Variants in TSBP1 observed in about 807,000 individuals in gnomAD.
The protein encoded by TSBP1 is testis-expressed basic protein 1.
A neutral mutation model predicts 68.8 loss-of-function variants in TSBP1; 56 were observed. The observed-to-expected ratio is 0.81, with a 90% CI of 0.66 to 1.02. The LOEUF (loss-of-function observed/expected upper bound fraction) is 1.02. Ranked by LOEUF, TSBP1 falls within the 50% of genes least tolerant of loss-of-function variation. TSBP1 has a pLI of 0.00. For synonymous variants in TSBP1, 171 were observed against 208.7 expected (o/e 0.82, Z 1.56); for missense variants, 502 against 641.2 (o/e 0.78, Z 2.34).
intron 6 of TSBP1, among the ~76,000 whole-genome samples, chr6:32,364,515 C>T (rs1773443366): frequency 6.7e-6 from 1 of 149,528 alleles, no homozygotes; most frequent in Non-Finnish European, 1.5e-5. Context: ...TGGAAGCTCT[C>T]TATTTCCTTT....
intron 16 of TSBP1, among the ~76,000 whole-genome samples, chr6:32,327,654 C>CTTTTT (rs9281739): frequency 6.8e-6 from 1 of 146,994 alleles, no homozygotes; most frequent in Non-Finnish European, 1.5e-5. Context: ...TTTTCTTTTT[C>CTTTTT]TTTTTTTTTT....
At chr6:32,327,654 C>CTTTTATTTTCTTTCTTTCTTTTTTT (rs70993815) in intron 16 of TSBP1, among the ~76,000 whole-genome samples, 5 of 147,056 alleles carry the variant, frequency 3.4e-5, no homozygotes, top group Admixed American at 6.8e-5. Flanking sequence ...TTTTCTTTTT[C>CTTTTATTTTCTTTCTTTCTTTTTTT]TTTTTTTTTT....
rs565766624 is a variant in TSBP1 at position 32,306,245 on chromosome 6, G to C, written c.581-3616C>G. Among the ~76,000 whole-genome samples, 16 of 152,292 alleles carry C rather than the reference G, an allele frequency of 1.1e-4. No individual in the cohort carries two copies. Among genetic ancestry groups the C allele is most frequent in the African/African-American group, 3.9e-4 (16 of 41,554 alleles). Reference sequence around the variant, plus strand: ...TTATGTAAACAACTAATTATGTTTTGTTAAAGATTTACGGGAGCATTGTGA... The same window carrying C: ...TTATGTAAACAACTAATTATGTTTTCTTAAAGATTTACGGGAGCATTGTGA... On this transcript the variant is annotated intron_variant, in intron 19 of 22. Coordinates refer to ENST00000612031, the Ensembl canonical transcript of TSBP1. This position sits in a 1 kb window ranked among gnomAD's most constrained non-coding sequence, Gnocchi z 5.1.
At chr6:32,359,260 C>T (rs1200192233) in intron 6 of TSBP1, among the ~76,000 whole-genome samples, 3 of 152,072 alleles carry the variant, frequency 2.0e-5, no homozygotes, top group African/African-American at 7.3e-5. Context: ...ACAGCCCCAC[C>T]AACAGTGTAA....
intron 18 of TSBP1, among the ~76,000 whole-genome samples, chr6:32,319,867 G>A (rs767903368): frequency 4.6e-5 from 7 of 151,798 alleles, no homozygotes; most frequent in Non-Finnish European, 1.0e-4. Flanking sequence ...GCCTACAATA[G>A]GCCAATATAT....
intron 16 of TSBP1, among the ~76,000 whole-genome samples, chr6:32,324,159 AATAACAACTTAAAGTTGTT>A (rs1767950489): frequency 6.6e-6 from 1 of 152,170 alleles, no homozygotes; most frequent in Non-Finnish European, 1.5e-5. Context: ...ACACGGAGGA[AATAACAACTTAAAGTTGTT>A]ATTTAAAGTT....
chr6:32,329,059 C>A (rs1202537113), intron 16 of TSBP1, among the ~76,000 whole-genome samples: 1 of 152,122 alleles, frequency 6.6e-6, no homozygotes, highest in African/African-American at 2.4e-5. Flanking sequence ...TTTACTAGGG[C>A]TGTTGCGAGC....
At chr6:32,297,435 C>T (rs1764827776) in intron 22 of TSBP1, among the ~76,000 whole-genome samples, 1 of 152,098 alleles carries the variant, frequency 6.6e-6, no homozygotes. Context: ...CATGAAATAG[C>T]TATCACATTA....
rs999810650 is a variant in TSBP1, at chr6:32,328,131, G to A, written c.514+2458C>T. Among the ~76,000 whole-genome samples, 42 of 151,946 alleles carry A rather than the reference G, an allele frequency of 2.8e-4. 1 individual carries two copies. Among genetic ancestry groups the A allele is most frequent in the African/African-American group, 8.2e-4 (34 of 41,450 alleles). On this transcript the variant is annotated intron_variant, in intron 16 of 22. Coordinates refer to ENST00000612031, the Ensembl canonical transcript of TSBP1. ...TAATTTTTGTATTTTTAATAGAGGCGCGGTTTCATCATGTTGGCCAGGCTG... is the reference window on the plus strand; with the variant it reads ...TAATTTTTGTATTTTTAATAGAGGCACGGTTTCATCATGTTGGCCAGGCTG...
In TSBP1 at chr6:32,336,581, G is replaced by T. The variant is rs1769699848; in HGVS notation, c.430+34C>A. On this transcript the variant is annotated intron_variant, in intron 12 of 22. Coordinates refer to ENST00000612031, the Ensembl canonical transcript of TSBP1. The surrounding 1 kb of genome is among the most constrained non-coding windows in gnomAD (Gnocchi z 5.2). ...AAGACCTTGTAGGTCAGATATCAAA[G>T]GGACCAGAGTGGAAAAACAAACTTG... 3 of 1,590,284 alleles carry T rather than the reference G, an allele frequency of 1.9e-6. No homozygotes were observed. In the African/African-American group the frequency reaches 4.0e-5, roughly 21 times the overall value.
chr6:32,307,961 G>C (rs935196567), intron 19 of TSBP1, among the ~76,000 whole-genome samples: 2 of 151,878 alleles, frequency 1.3e-5, no homozygotes, highest in African/African-American at 4.8e-5. Flanking sequence ...TTTTAGTAGA[G>C]ACAGGGTTTC....
intron 6 of TSBP1, among the ~76,000 whole-genome samples, chr6:32,358,614 T>TC (rs1306500866): frequency 1.3e-5 from 2 of 152,034 alleles, no homozygotes; most frequent in African/African-American, 4.8e-5. Context: ...CCTTCCTGTG[T>TC]CCAAGTGTTC....
chr6:32,351,959 C>A (rs1771764221), intron 8 of TSBP1, among the ~76,000 whole-genome samples: 1 of 151,944 alleles, frequency 6.6e-6, no homozygotes, highest in Non-Finnish European at 1.5e-5. Flanking sequence ...AAACAACAAG[C>A]AAATGGAATA....
chr6:32,325,672 C>T lies in TSBP1; in HGVS notation c.515-2058G>A, dbSNP rs1326625157. The stretch of plus-strand genomic sequence containing the variant: ...AGAAAAGGGGATTTGCCTTTGTAAC[C>T]TTTGATGACCATGACTCCGTGGATA... On this transcript the variant is annotated intron_variant, in intron 16 of 22. Transcript: ENST00000612031. This position sits in a 1 kb window ranked among gnomAD's most constrained non-coding sequence, Gnocchi z 4.4. 1 of 1,067,268 alleles carries T rather than the reference C, an allele frequency of 9.4e-7. No individual in the cohort carries two copies. The highest frequency in any genetic ancestry group is 2.4e-5 in the East Asian group (1 of 42,450). 66.1% of individuals were successfully genotyped at this position (1,067,268 alleles called of 1,614,324 possible). A position where few individuals can be genotyped will look rare whatever the true frequency, so the allele number is the denominator to read the frequency against.
rs1206845923 is a variant in TSBP1, at chr6:32,314,956, A to G, written c.580+816T>C. Among the ~76,000 whole-genome samples, 1 of 152,040 alleles carries G rather than the reference A, an allele frequency of 6.6e-6. No individual in the cohort carries two copies. The highest frequency in any genetic ancestry group is 2.4e-5 in the African/African-American group (1 of 41,402). On this transcript the variant is annotated intron_variant, in intron 19 of 22. Transcript: ENST00000612031. The surrounding 1 kb of genome is among the most constrained non-coding windows in gnomAD (Gnocchi z 4.2). The stretch of plus-strand genomic sequence containing the variant: ...CCCAGTTTAACACAGTTCCCAGGAG[A>G]CTCACCTCAACTCGCTCATTTACTG...
rs1223156666 is a variant in TSBP1 at position 32,338,965 on chromosome 6, GA to G, written c.409+13del. 7 of 1,606,738 alleles carry G rather than the reference GA, an allele frequency of 4.4e-6. No individual in the cohort carries two copies. The highest frequency in any genetic ancestry group is 6.0e-6 in the Non-Finnish European group (7 of 1,174,444). On this transcript the variant is annotated intron_variant, in intron 11 of 22. Transcript: ENST00000612031. The surrounding 1 kb of genome is among the most constrained non-coding windows in gnomAD (Gnocchi z 5.5). ...CAAAGCACATGAGAATTAAAGGGCA[GA>G]AAAAGAACTTACTCATGGCTCCTGC...
chr6:32,336,047 A>G lies in TSBP1; in HGVS notation c.431-115T>C. On this transcript the variant is annotated intron_variant, in intron 12 of 22. Transcript: ENST00000612031. The surrounding 1 kb of genome is among the most constrained non-coding windows in gnomAD (Gnocchi z 5.2). ...GAGTATCATAAATAGAAACAACGGG[A>G]AGATCAAGAGTTGCTTGTATGGCGA... 1.1e-6 allele frequency: 1 copy of G among 917,940 alleles called. No homozygotes were observed. The highest frequency in any genetic ancestry group is 1.7e-6 in the Non-Finnish European group (1 of 578,684). The allele number at this position is 917,940 out of a possible 1,614,324, so 56.9% of individuals were successfully genotyped here.
rs1396424684 is a variant in TSBP1, at chr6:32,304,662, C to G, written c.581-2033G>C. 6.6e-6 allele frequency among the ~76,000 whole-genome samples: 1 copy of G among 152,124 alleles called. No individual in the cohort carries two copies. Among genetic ancestry groups the G allele is most frequent in the East Asian group, 1.9e-4 (1 of 5,200 alleles). On this transcript the variant is annotated intron_variant, in intron 19 of 22. Coordinates refer to ENST00000612031, the Ensembl canonical transcript of TSBP1. The surrounding 1 kb of genome is among the most constrained non-coding windows in gnomAD (Gnocchi z 4.8). ...GTTAAAGGTTACTAATTTATGTTCT[C>G]TCTTCATCGTCTTTTTTGTCTTTTC...
intron 6 of TSBP1, among the ~76,000 whole-genome samples, chr6:32,362,072 C>G (rs1448695420): frequency 6.6e-6 from 1 of 151,912 alleles, no homozygotes; most frequent in Non-Finnish European, 1.5e-5. Flanking sequence ...GGGCGGATCA[C>G]GAGGTCAGGA....
Sources: gnomAD v4.1 joint callset for allele counts (sites outside exome capture counted in the v4.1 genomes callset) on GRCh38, gnomAD v4.1.1 for gene constraint, Gnocchi (gnomAD v3.1) non-coding constraint, MANE v1.5 for transcripts, NCBI Gene and HGNC (gene_info 2026-07-23, HGNC 2026-07-21) for gene names.